MYOZ3: variants seen among roughly 807,000 people sequenced by gnomAD.
The protein encoded by MYOZ3 is myozenin-3.
In MYOZ3, 19 loss-of-function variants were observed where a neutral mutation model predicts 26.5. The ratio of observed to expected loss-of-function variants is 0.72; its 90% CI spans 0.50 to 1.05. The LOEUF is 1.05. MYOZ3 is among the 50% of genes least tolerant of loss of function. The probability of loss-of-function intolerance (pLI) is 0.00; values close to 1 mark genes in which losing one functional copy is unlikely to be tolerated. For synonymous variants in MYOZ3, 135 were observed against 138.8 expected (o/e 0.97, Z 0.19); for missense variants, 322 against 337.1 (o/e 0.96, Z 0.35).
At position 150,675,581 on chromosome 5, in the gene MYOZ3, C is replaced by T. The variant is rs187188989; in HGVS notation, c.588-1126C>T. ...AGCGACGGGGTTTCACCATGTGGGC[C>T]AGGCTGGTCTCGAACTCCTGACCTC... On this transcript the variant is annotated intron_variant, in intron 6 of 6. Transcript: ENST00000517768. Among the ~76,000 whole-genome samples the T allele has an allele frequency of 2.0e-3, 305 of 152,270 alleles. 1 individual carries two copies. Among genetic ancestry groups the T allele is most frequent in the African/African-American group, 7.1e-3 (296 of 41,536 alleles).
intron 6 of MYOZ3, chr5:150,672,772 C>T: frequency 6.8e-6 from 3 of 439,676 alleles, no homozygotes; most frequent in Non-Finnish European, 4.0e-6. Context: ...TCCTGTTCTG[C>T]AGATGAAGAG....
In MYOZ3 at chr5:150,670,528, C is replaced by G; in HGVS notation, c.106C>G (p.Leu36Val). 1.2e-6 allele frequency: 2 copies of G among 1,613,250 alleles called. No homozygotes were observed. Among genetic ancestry groups the G allele is most frequent in the Non-Finnish European group, 1.7e-6 (2 of 1,179,720 alleles). Reference protein sequence around the residue: ...LGKKLSVPQDLMMEELSLRNN... With the variant: ...LGKKLSVPQDVMMEELSLRNN... Reference sequence around the variant, plus strand: ...CAAGAAGCTGAGCGTGCCCCAGGACCTGATGATGGAGGAGCTGTCACTACG... The same window carrying G: ...CAAGAAGCTGAGCGTGCCCCAGGACGTGATGATGGAGGAGCTGTCACTACG... The change falls in exon 3 of 7, where the codon CTG becomes GTG. Residue 36 changes from leucine (L) to valine (V), a missense_variant. By Grantham distance (32) the Leu-to-Val change is conservative. Coordinates refer to ENST00000517768, the MANE Select transcript of MYOZ3 (RefSeq NM_001122853.3).
rs1581538705 is a variant in MYOZ3, at chr5:150,676,844, T to G, written c.725T>G (p.Val242Gly). ...PSFNRVAQGW[V>G]RNLPESEEL ...TTCAACAGAGTGGCCCAGGGCTGGG[T>G]CCGTAACCTCCCAGAGTCCGAGGAG... The change falls in exon 7 of 7, where the codon GTC (valine) becomes GGC (glycine). Residue 242 changes from valine to glycine, a missense_variant. Coordinates refer to ENST00000517768, the MANE Select transcript of MYOZ3 (RefSeq NM_001122853.3). 1.2e-6 allele frequency: 2 copies of G among 1,612,610 alleles called. No individual in the cohort carries two copies. Among genetic ancestry groups the G allele is most frequent in the Non-Finnish European group, 1.7e-6 (2 of 1,179,944 alleles).
At chr5:150,672,225 C>A in intron 5 of MYOZ3, 115 bp from the exon 6 acceptor site, 2 of 1,465,362 alleles carry the variant, frequency 1.4e-6, no homozygotes, top group Middle Eastern at 1.7e-4. Flanking sequence ...CCGTCCTCTC[C>A]CCTAACTCCG....
intron 2 of MYOZ3, among the ~76,000 whole-genome samples, chr5:150,663,754 G>A (rs2151442819): frequency 6.6e-6 from 1 of 152,138 alleles, no homozygotes; most frequent in South Asian, 2.1e-4. Context: ...CAGCACTTTG[G>A]GAGGCTGAGG....
At chr5:150,664,466 A>G (rs1758778919) in intron 2 of MYOZ3, among the ~76,000 whole-genome samples, 1 of 152,362 alleles carries the variant, frequency 6.6e-6, no homozygotes, top group African/African-American at 2.4e-5. Flanking sequence ...TTTTGAAACA[A>G]AAGTAGGAAG....
Position 150,671,907 on chromosome 5 carries a change from A to G in MYOZ3, c.423A>G (p.Pro141=). ...TCCCCAGCCCCAGCGCCCTGGCGCC[A>G]GGTGAGTGGCCTCCTCGGGTCCCGG... is the stretch of plus-strand genomic sequence containing the variant. ...GCVPSPSALA[P]GYAEPLKGVP... Residue 141 remains proline (P), a splice_region_variant and synonymous_variant, in exon 5 of 7, where the codon CCA becomes CCG. Coordinates refer to ENST00000517768, the MANE Select transcript of MYOZ3 (RefSeq NM_001122853.3). 3 of 1,536,934 alleles carry G rather than the reference A, an allele frequency of 2.0e-6. No homozygotes were observed. The highest frequency in any genetic ancestry group is 2.6e-6 in the Non-Finnish European group (3 of 1,148,546).
At chr5:150,663,941 T>C (rs1163977755) in intron 2 of MYOZ3, among the ~76,000 whole-genome samples, 2 of 149,820 alleles carry the variant, frequency 1.3e-5, no homozygotes, top group Admixed American at 6.7e-5. Context: ...TATAGTGAGC[T>C]ACGGTTGTGC....
At chr5:150,669,790 C>G (rs924904842) in intron 2 of MYOZ3, 5 of 151,770 alleles carry the variant, frequency 3.3e-5, no homozygotes, top group African/African-American at 1.2e-4. Context: ...GGATTACAGG[C>G]ATGCGCCACC....
chr5:150,662,099 A>T (rs942298607), intron 1 of MYOZ3, among the ~76,000 whole-genome samples: 5 of 152,208 alleles, frequency 3.3e-5, no homozygotes, highest in Non-Finnish European at 2.9e-5. Context: ...AGATGAAGGC[A>T]GATTGTTTTC....
intron 2 of MYOZ3, among the ~76,000 whole-genome samples, chr5:150,663,478 G>A (rs1758765688): frequency 6.6e-6 from 1 of 152,186 alleles, no homozygotes; most frequent in African/African-American, 2.4e-5. Flanking sequence ...GGGAAGACAG[G>A]GGAGTCGAGA....
intron 6 of MYOZ3, among the ~76,000 whole-genome samples, chr5:150,674,512 G>A (rs1758973596): frequency 6.6e-6 from 1 of 152,216 alleles, no homozygotes; most frequent in Admixed American, 6.5e-5. Context: ...TGCATGGCTT[G>A]GACACCACCC....
chr5:150,663,069 C>G, intron 2 of MYOZ3, 67 bp downstream of exon 2: 4 of 1,370,540 alleles, frequency 2.9e-6, no homozygotes, highest in Non-Finnish European at 4.1e-6. Context: ...GCTGCACTCA[C>G]TCTGGCCTGC....
At chr5:150,668,872 T>TGTAAC (rs1379230671) in intron 2 of MYOZ3, among the ~76,000 whole-genome samples, 2 of 152,222 alleles carry the variant, frequency 1.3e-5, no homozygotes. Flanking sequence ...AAGAAATAAA[T>TGTAAC]GTAACGTTCT....
Position 150,665,603 on chromosome 5 carries a change from T to A in MYOZ3, c.61+2601T>A, listed in dbSNP as rs918891406. 3.3e-5 allele frequency among the ~76,000 whole-genome samples: 5 copies of A among 152,222 alleles called. No individual in the cohort carries two copies. The South Asian group carries it at 6.2e-4, about 19-fold the overall frequency. On this transcript the variant is annotated intron_variant, in intron 2 of 6. Coordinates refer to ENST00000517768, the MANE Select transcript of MYOZ3 (RefSeq NM_001122853.3). ...GTCAAATAGATTTTATCTTTTTTTA[T>A]TTTTTAATAGAGACAGGGTCTTGCT...
At position 150,669,205 on chromosome 5, in the gene MYOZ3, C is replaced by T. The variant is rs1758858106; in HGVS notation, c.62-1279C>T. On this transcript the variant is annotated intron_variant, in intron 2 of 6. Coordinates refer to ENST00000517768, the MANE Select transcript of MYOZ3 (RefSeq NM_001122853.3). ...GCCTGTAATCCCAGCACTCTGGGAG[C>T]CCGAGGGGGGGTGGGGGGCGGATCA... is the stretch of plus-strand genomic sequence containing the variant. 5 of 151,822 alleles carry T rather than the reference C, an allele frequency of 3.3e-5. No homozygotes were observed. In the South Asian group the frequency reaches 1.0e-3, roughly 32 times the overall value. 9.4% of individuals were successfully genotyped at this position (151,822 alleles called of 1,614,324 possible). A position where few individuals can be genotyped will look rare whatever the true frequency, so the allele number is the denominator to read the frequency against.
Position 150,676,931 on chromosome 5 carries a change from A to G in MYOZ3, c.*56A>G. 1.9e-6 allele frequency: 3 copies of G among 1,550,474 alleles called. No homozygotes were observed. Among genetic ancestry groups the G allele is most frequent in the Non-Finnish European group, 2.6e-6 (3 of 1,143,134 alleles). ...CGGGGGCCTGGTAACATCCGGAGCCAAGACTTGTGGACAGCACTTCACAGT... is the reference window on the plus strand; with the variant it reads ...CGGGGGCCTGGTAACATCCGGAGCCGAGACTTGTGGACAGCACTTCACAGT... On this transcript the variant is annotated 3_prime_UTR_variant, in exon 7 of 7. Coordinates refer to ENST00000517768, the MANE Select transcript of MYOZ3 (RefSeq NM_001122853.3).
At chr5:150,662,308 G>A (rs778957258) in intron 1 of MYOZ3, among the ~76,000 whole-genome samples, 2 of 152,182 alleles carry the variant, frequency 1.3e-5, no homozygotes, top group East Asian at 3.8e-4. Flanking sequence ...CAAATAGGGG[G>A]ATGGAACAGG....
chr5:150,676,620 A>T (rs1047691086), intron 6 of MYOZ3, 87 bp from the exon 7 acceptor site: 2 of 1,253,576 alleles, frequency 1.6e-6, no homozygotes, highest in Admixed American at 4.4e-5. Flanking sequence ...AGCGGCAGGG[A>T]GGGGCCCATA....
Sources: gnomAD v4.1 joint callset for allele counts (sites outside exome capture counted in the v4.1 genomes callset) on GRCh38, gnomAD v4.1.1 for gene constraint, MANE v1.5 for transcripts, NCBI Gene and HGNC (gene_info 2026-07-23, HGNC 2026-07-21) for gene names.